APBA3: variants seen among roughly 807,000 people sequenced by gnomAD.
APBA3 encodes amyloid-beta A4 precursor protein-binding family A member 3.
A neutral mutation model predicts 55.9 loss-of-function variants in APBA3; 45 were observed. The ratio of observed to expected loss-of-function variants is 0.80; its 90% CI spans 0.63 to 1.03. APBA3 has a LOEUF of 1.03. Among genes scored for constraint, APBA3 ranks in the 50% least tolerant of loss-of-function variants. The pLI is 0.00. For synonymous variants in APBA3, 370 were observed against 353.3 expected (o/e 1.05, Z -0.53); for missense variants, 865 against 820.3 (o/e 1.05, Z -0.67).
chr19:3,753,132 TG>T, intron 6 of APBA3, 142 bp from the exon 7 acceptor site: 1 of 952,164 alleles, frequency 1.1e-6, no homozygotes, highest in Non-Finnish European at 1.5e-6. Flanking sequence ...CCTGGGGCTT[TG>T]GGGGAGGTGG....
intron 3 of APBA3, among the ~76,000 whole-genome samples, chr19:3,759,247 A>G (rs950964494): frequency 6.6e-6 from 1 of 152,178 alleles, no homozygotes; most frequent in African/African-American, 2.4e-5. Context: ...CCCCAAACGC[A>G]AAAACCATCT....
Position 3,760,124 on chromosome 19 carries a change from G to A in APBA3, c.141C>T (p.Leu47=). 6.2e-7 allele frequency: 1 copy of A among 1,613,488 alleles called. No homozygotes were observed. The highest frequency in any genetic ancestry group is 8.5e-7 in the Non-Finnish European group (1 of 1,180,040). The change falls in exon 2 of 11, where the codon CTC becomes CTT. Residue 47 remains leucine (L), a synonymous_variant. Transcript: ENST00000316757. Reference sequence around the variant, plus strand: ...TTGACTCATCAAGTTCCATCCGACTGAGGCTGCCGGGGCCTCCTGGCATAG... The same window carrying A: ...TTGACTCATCAAGTTCCATCCGACTAAGGCTGCCGGGGCCTCCTGGCATAG... ...WDPMPGGPGS[L]SRMELDESSL... is the part of the protein sequence containing the mutation.
At position 3,751,503 on chromosome 19, in the gene APBA3, G is replaced by A. The variant is rs766623861; in HGVS notation, c.1446C>T (p.Pro482=). The change falls in exon 9 of 11, where the codon CCC becomes CCT. Residue 482 remains proline, a synonymous_variant. Coordinates refer to ENST00000316757, the MANE Select transcript of APBA3 (RefSeq NM_004886.4). The part of the protein sequence containing the change: ...SVTLSIVHCP[P]VTTAIIHRPH... Reference sequence around the variant, plus strand: ...GCCGGTGGATGATGGCGGTGGTGACGGGAGGGCAGTGGACGATGCTGAGTG... The same window carrying A: ...GCCGGTGGATGATGGCGGTGGTGACAGGAGGGCAGTGGACGATGCTGAGTG... 9.5e-6 allele frequency: 15 copies of A among 1,585,254 alleles called. No homozygotes were observed. The highest frequency in any genetic ancestry group is 5.7e-5 in the South Asian group (5 of 87,500).
chr19:3,751,399 C>A, intron 9 of APBA3, 35 bp downstream of exon 9: 1 of 1,429,390 alleles, frequency 7.0e-7, no homozygotes, highest in Non-Finnish European at 9.4e-7. Flanking sequence ...GGCCGCCCTA[C>A]CCCCCCACCC....
In APBA3 at chr19:3,752,503, C is replaced by A; in HGVS notation, c.1395+5G>T. On this transcript the variant is annotated splice_donor_5th_base_variant and intron_variant, in intron 8 of 10. Coordinates refer to ENST00000316757, the MANE Select transcript of APBA3 (RefSeq NM_004886.4). Reference sequence around the variant, plus strand: ...GTGGGGGCCCTGCCACACCAGGAAACTCACGCGGACAGCGGCCTGGCACGC... The same window carrying A: ...GTGGGGGCCCTGCCACACCAGGAAAATCACGCGGACAGCGGCCTGGCACGC... 6.4e-7 allele frequency: 1 copy of A among 1,565,476 alleles called. No individual in the cohort carries two copies. Among genetic ancestry groups the A allele is most frequent in the Non-Finnish European group, 8.6e-7 (1 of 1,160,760 alleles).
intron 3 of APBA3, chr19:3,756,088 C>G (rs1464118380): frequency 6.6e-6 from 1 of 152,180 alleles, no homozygotes; most frequent in East Asian, 1.9e-4. Flanking sequence ...TGGTAGCCAC[C>G]AGGCACATGT....
chr19:3,751,394 C>T lies in APBA3; in HGVS notation c.1515+40G>A, dbSNP rs565415590. 2.6e-6 allele frequency: 4 copies of T among 1,514,360 alleles called. No homozygotes were observed. The Admixed American group carries it at 6.3e-5, about 24-fold the overall frequency. The allele number at this position is 1,514,360 out of a possible 1,614,324, so 93.8% of individuals were successfully genotyped here. A position where few individuals can be genotyped will look rare whatever the true frequency, so the allele number is the denominator to read the frequency against. ...TGCTCAGGGGCCGTGCTCAGGGCCG[C>T]CCTACCCCCCCACCCCGGGGCCAGG... On this transcript the variant is annotated intron_variant, in intron 9 of 10. Coordinates refer to ENST00000316757, the MANE Select transcript of APBA3 (RefSeq NM_004886.4).
In APBA3 at chr19:3,760,103, C is replaced by T. The variant is rs756174204; in HGVS notation, c.162G>A (p.Glu54=). Residue 54 remains glutamate, a synonymous_variant, in exon 2 of 11, where the codon GAG becomes GAA. Coordinates refer to ENST00000316757, the MANE Select transcript of APBA3 (RefSeq NM_004886.4). ...PGSLSRMELD[E]SSLQELVQQF... ...GCTGCACCAGCTCCTGAAGGCTTGA[C>T]TCATCAAGTTCCATCCGACTGAGGC... 6.2e-7 allele frequency: 1 copy of T among 1,613,374 alleles called. No homozygotes were observed. Among genetic ancestry groups the T allele is most frequent in the Non-Finnish European group, 8.5e-7 (1 of 1,180,050 alleles).
intron 3 of APBA3, among the ~76,000 whole-genome samples, chr19:3,757,958 A>G (rs886311515): frequency 6.6e-6 from 1 of 152,326 alleles, no homozygotes; most frequent in East Asian, 1.9e-4. Flanking sequence ...TTTTAGAGAC[A>G]GAGTCTCACT....
chr19:3,758,135 A>G lies in APBA3; in HGVS notation c.616+1426T>C, dbSNP rs192935821. On this transcript the variant is annotated intron_variant, in intron 3 of 10. Transcript: ENST00000316757. ...TGTTTAGTAGAGACGGGGTTTCACC[A>G]ATGTTGGCCAGGCTGGTCTCGAACT... Among the ~76,000 whole-genome samples the G allele has an allele frequency of 1.4e-3, 213 of 151,790 alleles. 2 individuals carry two copies. Among genetic ancestry groups the G allele is most frequent in the Admixed American group, 0.013 (192 of 15,238 alleles).
Position 3,758,214 on chromosome 19 carries a change from G to A in APBA3, c.616+1347C>T, listed in dbSNP as rs568851593. ...CTCCCAAAGTGCTGGGATTATAGGC[G>A]TGAGCCACCGCGCCCAGCTTATGCA... On this transcript the variant is annotated intron_variant, in intron 3 of 10. Transcript: ENST00000316757. Among the ~76,000 whole-genome samples the A allele has an allele frequency of 9.9e-5, 15 of 152,132 alleles. No homozygotes were observed. In the South Asian group the frequency reaches 2.3e-3, roughly 23 times the overall value.
In APBA3 at chr19:3,752,875, C is replaced by T. The variant is rs781559013; in HGVS notation, c.1127G>A (p.Cys376Tyr). 3.7e-6 allele frequency: 6 copies of T among 1,613,392 alleles called. No homozygotes were observed. The highest frequency in any genetic ancestry group is 2.7e-5 in the African/African-American group (2 of 75,044). Reference protein sequence around the residue: ...QVGVHPSPGACHLHNGDLDHF... With the variant: ...QVGVHPSPGAYHLHNGDLDHF... ...GTCCAGGTCCCCATTATGGAGGTGG[C>T]AGGCGCCTGGGCTCGGGTGCACGCC... The change falls in exon 7 of 11, where the codon TGC (cysteine) becomes TAC (tyrosine). Residue 376 changes from cysteine to tyrosine, a missense_variant. Transcript: ENST00000316757.
intron 3 of APBA3, 138 bp from the exon 4 acceptor site, chr19:3,754,478 C>T (rs1303940579): frequency 8.4e-7 from 1 of 1,194,454 alleles, no homozygotes; most frequent in African/African-American, 1.6e-5. Context: ...GGAAGCACAG[C>T]CCACTGTTCT....
intron 3 of APBA3, 129 bp from the exon 4 acceptor site, chr19:3,754,469 G>A (rs2037052725): frequency 1.6e-6 from 2 of 1,256,628 alleles, no homozygotes; most frequent in Non-Finnish European, 2.2e-6. Context: ...CTCCAGCCAG[G>A]AAGCACAGCC....
At chr19:3,753,533 C>A in intron 6 of APBA3, 2 of 496,626 alleles carry the variant, frequency 4.0e-6, no homozygotes, top group Non-Finnish European at 7.1e-6. Context: ...GTGGTCCCAG[C>A]TACTAGAGAG....
chr19:3,758,335 C>T (rs1458073619), intron 3 of APBA3, among the ~76,000 whole-genome samples: 4 of 152,014 alleles, frequency 2.6e-5, no homozygotes, highest in African/African-American at 9.7e-5. Flanking sequence ...CTCAGCTCAC[C>T]GCAGTCTCGA....
chr19:3,752,618 C>A lies in APBA3; in HGVS notation c.1285G>T (p.Gly429Trp), dbSNP rs769900594. ...PTAVIANLLH[G>W]GPAERSGALS... is the part of the protein sequence containing the mutation. ...GCCCCCGAGCGCTCAGCAGGCCCCC[C>A]GTGCAGCAGGTTGGCGATGACGGCT... The change falls in exon 8 of 11, where the codon GGG (glycine) becomes TGG (tryptophan). Residue 429 changes from glycine to tryptophan, a missense_variant. Physicochemically the swap from Gly to Trp is radical, Grantham distance 184. Transcript: ENST00000316757. 6.3e-7 allele frequency: 1 copy of A among 1,587,352 alleles called. No homozygotes were observed. Among genetic ancestry groups the A allele is most frequent in the South Asian group, 1.1e-5 (1 of 88,794 alleles).
In APBA3 at chr19:3,754,328, C is replaced by A; in HGVS notation, c.629G>T (p.Cys210Phe). Residue 210 changes from cysteine to phenylalanine, a missense_variant, in exon 4 of 11, where the codon TGT becomes TTT. Coordinates refer to ENST00000316757, the MANE Select transcript of APBA3 (RefSeq NM_004886.4). ...ACCGTCCAGGAGGTCTTCATGGTCACAGGGACCAGGCACTGAGGGCGACAG... is the reference window on the plus strand; with the variant it reads ...ACCGTCCAGGAGGTCTTCATGGTCAAAGGGACCAGGCACTGAGGGCGACAG... ...YPAPQEVPGP[C>F]DHEDLLDGVI... is the part of the protein sequence containing the mutation. The A allele has an allele frequency of 6.4e-7, 1 of 1,558,400 alleles. No homozygotes were observed. The highest frequency in any genetic ancestry group is 8.7e-7 in the Non-Finnish European group (1 of 1,153,840).
Position 3,759,753 on chromosome 19 carries a change from G to A in APBA3, c.512C>T (p.Ser171Phe), listed in dbSNP as rs142657946. The change falls in exon 2 of 11, where the codon TCC becomes TTC. Residue 171 changes from serine (S) to phenylalanine (F), a missense_variant. Coordinates refer to ENST00000316757, the MANE Select transcript of APBA3 (RefSeq NM_004886.4). Reference protein sequence around the residue: ...EQEGSRSSSSSPEPWLETVPL... With the variant: ...EQEGSRSSSSFPEPWLETVPL... ...CACCGTCTCCAGCCAGGGTTCCGGG[G>A]AACTGCTTGAGCTCCTGCTGCCCTC... 2.5e-6 allele frequency: 4 copies of A among 1,612,500 alleles called. No homozygotes were observed. Among genetic ancestry groups the A allele is most frequent in the East Asian group, 2.2e-5 (1 of 44,876 alleles).
Sources: gnomAD v4.1 joint callset for allele counts (sites outside exome capture counted in the v4.1 genomes callset) on GRCh38, gnomAD v4.1.1 for gene constraint, MANE v1.5 for transcripts, NCBI Gene and HGNC (gene_info 2026-07-23, HGNC 2026-07-21) for gene names.